The following OPCML variants were observed in gnomAD, a reference collection of about 807,000 sequenced individuals.
The protein encoded by OPCML is opioid-binding protein/cell adhesion molecule.
A neutral mutation model predicts 37.8 loss-of-function variants in OPCML; 13 were observed. That is an observed-to-expected ratio of 0.34 (90% CI 0.22 to 0.55). The LOEUF (loss-of-function observed/expected upper bound fraction) is 0.55. Ranked by LOEUF, OPCML falls within the 20% of genes least tolerant of loss-of-function variation. The pLI is 0.91. For missense variants in OPCML, 341 were observed against 435.6 expected (o/e 0.78, Z 1.93); for synonymous variants, 176 against 168.8 (o/e 1.04, Z -0.33).
intron 2 of OPCML, among the ~76,000 whole-genome samples, chr11:132,694,360 G>A (rs762440869): frequency 9.9e-5 from 15 of 151,834 alleles, no homozygotes; most frequent in African/African-American, 3.1e-4. Context: ...CACCACGCCC[G>A]GCTAATTTTT....
At chr11:132,750,536 C>A (rs778167139) in intron 2 of OPCML, among the ~76,000 whole-genome samples, 1 of 152,104 alleles carries the variant, frequency 6.6e-6, no homozygotes, top group South Asian at 2.1e-4. Flanking sequence ...TGATGGCAAC[C>A]ACATTCTTAG....
At chr11:132,975,903 T>G (rs1015772776) in intron 1 of OPCML, among the ~76,000 whole-genome samples, 21 of 152,278 alleles carry the variant, frequency 1.4e-4, no homozygotes, top group African/African-American at 5.1e-4. Flanking sequence ...CCCAAGTAGC[T>G]GGGACTACAG....
chr11:133,385,135 G>A (rs995490850), intron 1 of OPCML, among the ~76,000 whole-genome samples: 3 of 152,174 alleles, frequency 2.0e-5, no homozygotes, highest in African/African-American at 4.8e-5. Context: ...CACTCTATCC[G>A]TTGCAGCACT....
At chr11:133,003,091 TGAA>T (rs920377251) in intron 1 of OPCML, among the ~76,000 whole-genome samples, 6 of 152,318 alleles carry the variant, frequency 3.9e-5, no homozygotes, top group Middle Eastern at 3.4e-3. Flanking sequence ...GCAGAAAACT[TGAA>T]GAAGATTTGC....
intron 3 of OPCML, among the ~76,000 whole-genome samples, chr11:132,623,514 T>C (rs183287808): frequency 6.6e-6 from 1 of 152,224 alleles, no homozygotes; most frequent in Non-Finnish European, 1.5e-5. Flanking sequence ...TACTTCCATT[T>C]TCTAATTGTT....
intron 1 of OPCML, among the ~76,000 whole-genome samples, chr11:133,188,491 T>C (rs1358116584): frequency 6.6e-6 from 1 of 152,076 alleles, no homozygotes; most frequent in Non-Finnish European, 1.5e-5. Context: ...AAAGGGAAAA[T>C]AATCTTCACT....
At chr11:132,729,369 G>A (rs368950241) in intron 2 of OPCML, among the ~76,000 whole-genome samples, 77 of 149,580 alleles carry the variant, frequency 5.1e-4, no homozygotes, top group African/African-American at 1.3e-3. Context: ...TGTGAAAACC[G>A]AACACACCCA....
At chr11:132,628,365 C>T (rs553482529) in intron 3 of OPCML, among the ~76,000 whole-genome samples, 57 of 152,058 alleles carry the variant, frequency 3.7e-4, no homozygotes, top group Non-Finnish European at 6.9e-4. Flanking sequence ...TTACTGGCAA[C>T]AAAAAAAATT....
chr11:132,506,748 A>C (rs1187464817), intron 4 of OPCML, among the ~76,000 whole-genome samples: 1 of 152,158 alleles, frequency 6.6e-6, no homozygotes, highest in Admixed American at 6.5e-5. Flanking sequence ...TTATTTCAAA[A>C]AACTATAGAG....
chr11:133,356,896 T>A (rs754666921), intron 1 of OPCML, among the ~76,000 whole-genome samples: 3 of 152,168 alleles, frequency 2.0e-5, no homozygotes, highest in Non-Finnish European at 1.5e-5. Context: ...CCAAGGACTT[T>A]TCTGCAGAAG....
At chr11:132,466,462 C>G (rs962424626) in intron 4 of OPCML, among the ~76,000 whole-genome samples, 5 of 147,652 alleles carry the variant, frequency 3.4e-5, no homozygotes, top group Admixed American at 1.4e-4. Context: ...CCAGCCTGGG[C>G]GACACAGCGA....
At chr11:133,438,296 TATAA>T (rs1185009456) in intron 1 of OPCML, among the ~76,000 whole-genome samples, 4 of 152,040 alleles carry the variant, frequency 2.6e-5, no homozygotes, top group African/African-American at 9.7e-5. Flanking sequence ...ACTAGAAGAA[TATAA>T]ATAGACATAT....
At chr11:133,457,763 C>T (rs1306611384) in intron 1 of OPCML, among the ~76,000 whole-genome samples, 6 of 152,022 alleles carry the variant, frequency 3.9e-5, no homozygotes, top group Admixed American at 2.6e-4. Context: ...TAAGAGCGGA[C>T]GTAGTTCATT....
At chr11:133,250,503 G>T in intron 1 of OPCML, among the ~76,000 whole-genome samples, 1 of 139,354 alleles carries the variant, frequency 7.2e-6, no homozygotes. Flanking sequence ...AGGGAGGAAG[G>T]GAGGGAGAGA....
In OPCML at chr11:133,432,897, A is replaced by C. The variant is rs997563303; in HGVS notation, c.61+99367T>G. Among the ~76,000 whole-genome samples, 5 of 152,160 alleles carry C rather than the reference A, an allele frequency of 3.3e-5. No homozygotes were observed. In the East Asian group the frequency reaches 9.7e-4, roughly 29 times the overall value. On this transcript the variant is annotated intron_variant, in intron 1 of 7. Transcript: ENST00000524381. ...TGAGCCTAACTACTTAATAAAAGAA[A>C]TGTTGGGAATTTCTTTTGCTTTGGG...
chr11:132,817,786 A>G (rs142719338), intron 2 of OPCML, among the ~76,000 whole-genome samples: 1 of 152,170 alleles, frequency 6.6e-6, no homozygotes, highest in Non-Finnish European at 1.5e-5. Context: ...ATGTAATGGA[A>G]GAAGAGCCTA....
intron 1 of OPCML, chr11:133,300,935 A>G (rs1435871117): frequency 6.6e-6 from 1 of 152,210 alleles, no homozygotes; most frequent in Non-Finnish European, 1.5e-5. Context: ...CTCCAGGAGT[A>G]CAGCCAGTCA....
chr11:133,074,160 C>T (rs1190563341), intron 1 of OPCML, among the ~76,000 whole-genome samples: 1 of 152,210 alleles, frequency 6.6e-6, no homozygotes, highest in Non-Finnish European at 1.5e-5. Context: ...ATATGTAAAT[C>T]TACTTGAAAC....
At chr11:133,408,440 G>T (rs1945569712) in intron 1 of OPCML, among the ~76,000 whole-genome samples, 1 of 152,150 alleles carries the variant, frequency 6.6e-6, no homozygotes, top group Non-Finnish European at 1.5e-5. Context: ...ATACCTCATG[G>T]TTTATTGTCA....
Sources: gnomAD v4.1 joint callset for allele counts (sites outside exome capture counted in the v4.1 genomes callset) on GRCh38, gnomAD v4.1.1 for gene constraint, MANE v1.5 for transcripts, NCBI Gene and HGNC (gene_info 2026-07-23, HGNC 2026-07-21) for gene names.